Variants in STPG2 observed in about 807,000 individuals in gnomAD.
The protein encoded by STPG2 is sperm tail PG-rich repeat containing 2, also known as sperm-tail PG-rich repeat-containing protein 2.
A neutral mutation model predicts 54.2 loss-of-function variants in STPG2; 56 were observed. The ratio of observed to expected loss-of-function variants is 1.03; its 90% confidence interval spans 0.83 to 1.29. The LOEUF (loss-of-function observed/expected upper bound fraction) is 1.29. STPG2 is among the 50% of genes most tolerant of loss of function. The pLI is 0.00. For missense variants in STPG2, 596 were observed against 544.9 expected, an observed-to-expected ratio of 1.09 and a Z score of -0.93; for synonymous variants, 200 against 181.8, an observed-to-expected ratio of 1.10 and a Z score of -0.81.
At chr4:97,695,153 A>C (rs1017908348) in intron 10 of STPG2, among the ~76,000 whole-genome samples, 1 of 152,138 alleles carries the variant, frequency 6.6e-6, no homozygotes, top group Non-Finnish European at 1.5e-5. Flanking sequence ...ACCGTGATCA[A>C]GTGGGTTTCA....
chr4:97,836,153 A>G (rs1028582230), intron 9 of STPG2, among the ~76,000 whole-genome samples: 2 of 152,076 alleles, frequency 1.3e-5, no homozygotes, highest in Non-Finnish European at 2.9e-5. Context: ...TTGTGGGTCA[A>G]GTGCTATCAA....
At chr4:97,755,105 T>C (rs1259411263) in intron 9 of STPG2, among the ~76,000 whole-genome samples, 2 of 152,174 alleles carry the variant, frequency 1.3e-5, no homozygotes, top group African/African-American at 4.8e-5. Context: ...TGTGGTAAGT[T>C]TGGAGGAGGG....
intron 7 of STPG2, among the ~76,000 whole-genome samples, chr4:97,949,475 T>C (rs1384201200): frequency 6.6e-6 from 1 of 152,170 alleles, no homozygotes; most frequent in African/African-American, 2.4e-5. Context: ...TACTTTTTTT[T>C]CTTCATTGTA....
chr4:97,565,968 GT>G (rs1428805854), intron 10 of STPG2, among the ~76,000 whole-genome samples: 1 of 152,170 alleles, frequency 6.6e-6, no homozygotes, highest in Non-Finnish European at 1.5e-5. Context: ...CTTCAAAGCT[GT>G]CAGACAGGGA....
chr4:98,097,144 C>T (rs1738886166), intron 5 of STPG2, among the ~76,000 whole-genome samples: 1 of 152,100 alleles, frequency 6.6e-6, no homozygotes, highest in Admixed American at 6.6e-5. Flanking sequence ...TACCCCGATA[C>T]CAAAATCAGA....
chr4:97,594,159 A>T (rs57817145), intron 10 of STPG2, among the ~76,000 whole-genome samples: 20,207 of 152,250 alleles, frequency 0.13, 4,134 homozygotes, highest in African/African-American at 0.44. Context: ...GAAATGGCTG[A>T]AATGACAGAA....
intron 4 of STPG2, among the ~76,000 whole-genome samples, chr4:97,482,983 C>T (rs1475871020): frequency 6.6e-6 from 1 of 151,610 alleles, no homozygotes; most frequent in Non-Finnish European, 1.5e-5. Context: ...AGAAAAGATA[C>T]AGTCTTTTTC....
chr4:98,050,134 T>C (rs1284587836), intron 5 of STPG2, among the ~76,000 whole-genome samples: 1 of 152,116 alleles, frequency 6.6e-6, no homozygotes, highest in Non-Finnish European at 1.5e-5. Flanking sequence ...AAAACAAAAT[T>C]TATTAAAAAT....
intron 10 of STPG2, among the ~76,000 whole-genome samples, chr4:97,649,823 G>T (rs1471320960): frequency 2.6e-5 from 4 of 152,016 alleles, no homozygotes; most frequent in Non-Finnish European, 5.9e-5. Context: ...CACAGACCAG[G>T]GGGGACGGCA....
At chr4:97,456,912 T>TAAAAAAAAAAAAAAAAAAAAAAAA (rs1166086887) in intron 4 of STPG2, among the ~76,000 whole-genome samples, 1 of 97,232 alleles carries the variant, frequency 1.0e-5, no homozygotes, top group African/African-American at 7.1e-5. Flanking sequence ...AAAAGAAAAT[T>TAAAAAAAAAAAAAAAAAAAAAAAA]AAAAAAAAAA....
chr4:97,597,124 C>G (rs568153443), intron 10 of STPG2, among the ~76,000 whole-genome samples: 1 of 151,992 alleles, frequency 6.6e-6, no homozygotes, highest in African/African-American at 2.4e-5. Flanking sequence ...GAGATTACTA[C>G]GAACACCTCT....
intron 10 of STPG2, among the ~76,000 whole-genome samples, chr4:97,639,168 A>C (rs1047225473): frequency 3.9e-5 from 6 of 152,230 alleles, no homozygotes; most frequent in Non-Finnish European, 4.4e-5. Context: ...TGCAGCCATA[A>C]AAAATGATGA....
intron 5 of STPG2, among the ~76,000 whole-genome samples, chr4:98,062,087 A>G (rs1359411005): frequency 6.6e-6 from 1 of 152,234 alleles, no homozygotes; most frequent in Non-Finnish European, 1.5e-5. Context: ...AAAATGTGGT[A>G]CATATACACC....
intron 10 of STPG2, among the ~76,000 whole-genome samples, chr4:97,702,256 T>A (rs1169078946): frequency 6.6e-6 from 1 of 152,182 alleles, no homozygotes; most frequent in Admixed American, 6.5e-5. Flanking sequence ...AGCTGCAACA[T>A]TAAATGCAGA....
intron 9 of STPG2, among the ~76,000 whole-genome samples, chr4:97,837,414 C>A (rs1728666494): frequency 6.6e-6 from 1 of 151,706 alleles, no homozygotes; most frequent in Non-Finnish European, 1.5e-5. Flanking sequence ...CCCCTGCCCC[C>A]AACCCATGAC....
At chr4:97,670,583 G>A (rs905336125) in intron 10 of STPG2, among the ~76,000 whole-genome samples, 55 of 152,172 alleles carry the variant, frequency 3.6e-4, no homozygotes, top group Non-Finnish European at 1.6e-4. Flanking sequence ...AGCAGATTGA[G>A]AGCTCAAATT....
intron 10 of STPG2, among the ~76,000 whole-genome samples, chr4:97,711,197 A>G (rs1724105788): frequency 6.6e-6 from 1 of 152,096 alleles, no homozygotes. Context: ...AAAGGAGAGA[A>G]ATTGCTCAAC....
intron 4 of STPG2, among the ~76,000 whole-genome samples, chr4:98,106,710 T>G (rs1179563570): frequency 1.3e-5 from 2 of 152,156 alleles, no homozygotes; most frequent in East Asian, 1.9e-4. Flanking sequence ...AACTGGTAAT[T>G]GGAAATAGTA....
chr4:97,594,491 G>T (rs1733229809), intron 10 of STPG2, among the ~76,000 whole-genome samples: 1 of 152,126 alleles, frequency 6.6e-6, no homozygotes, highest in South Asian at 2.1e-4. Flanking sequence ...GGCAAATATA[G>T]GACTAGGTAA....
Sources: allele counts gnomAD v4.1 joint callset (sites outside exome capture counted in the v4.1 genomes callset), GRCh38; gene constraint gnomAD v4.1.1; transcripts MANE v1.5; gene names NCBI Gene and HGNC (gene_info 2026-07-23, HGNC 2026-07-21).